Variants in PTPN1 observed in about 807,000 individuals in gnomAD.
PTPN1 encodes tyrosine-protein phosphatase non-receptor type 1.
PTPN1 carries 12 observed loss-of-function variants against 59.9 expected under a neutral mutation model. That is an observed-to-expected ratio of 0.20 (90% CI 0.13 to 0.32). PTPN1 has a LOEUF of 0.32. Ranked by LOEUF, PTPN1 falls within the 10% of genes least tolerant of loss-of-function variation. The pLI, the probability that PTPN1 is intolerant of heterozygous loss-of-function variation, is 1.00. For missense variants in PTPN1, 356 were observed against 549.2 expected (o/e 0.65, Z 3.52); for synonymous variants, 178 against 203.6 (o/e 0.87, Z 1.07).
At chr20:50,513,492 CG>C (rs2082515927) in intron 1 of PTPN1, among the ~76,000 whole-genome samples, 1 of 152,140 alleles carries the variant, frequency 6.6e-6, no homozygotes, top group African/African-American at 2.4e-5. Context: ...CTTGTTTTCT[CG>C]TCTGTAAATT....
chr20:50,562,358 C>G (rs547331213), intron 2 of PTPN1, among the ~76,000 whole-genome samples: 1 of 152,208 alleles, frequency 6.6e-6, no homozygotes, highest in African/African-American at 2.4e-5. Flanking sequence ...CCTGACCTGA[C>G]TTATGTGGCG....
At chr20:50,522,365 C>T (rs2082555136) in intron 1 of PTPN1, among the ~76,000 whole-genome samples, 1 of 152,208 alleles carries the variant, frequency 6.6e-6, no homozygotes, top group African/African-American at 2.4e-5. Context: ...ACCAAATATG[C>T]TTGCACTGAG....
chr20:50,579,866 A>C lies in PTPN1; in HGVS notation c.1028A>C (p.Asp343Ala). The C allele has an allele frequency of 6.2e-7, 1 of 1,614,162 alleles. No individual in the cohort carries two copies. Among genetic ancestry groups the C allele is most frequent in the South Asian group, 1.1e-5 (1 of 91,088 alleles). The change falls in exon 8 of 10, where the codon GAC becomes GCC. Residue 343 changes from aspartate (D) to alanine (A), a missense_variant. Coordinates refer to ENST00000371621, the MANE Select transcript of PTPN1 (RefSeq NM_002827.4). Reference protein sequence around the residue: ...WVKEETQEDKDCPIKEEKGSP... With the variant: ...WVKEETQEDKACPIKEEKGSP... ...AAGGAAGAGACCCAGGAGGATAAAG[A>C]CTGCCCCATCAAGGAAGAAAAAGGA...
chr20:50,524,569 C>CTGTTTTT (rs2082565166), intron 1 of PTPN1, among the ~76,000 whole-genome samples: 1 of 45,782 alleles, frequency 2.2e-5, no homozygotes, highest in Non-Finnish European at 3.6e-5. Flanking sequence ...ATTATGTGGT[C>CTGTTTTT]TTTTTTTTTT....
At chr20:50,554,629 AATAC>A (rs147009730) in intron 1 of PTPN1, among the ~76,000 whole-genome samples, 3,714 of 152,070 alleles carry the variant, frequency 0.024, 83 homozygotes, top group African/African-American at 0.058. Flanking sequence ...CAAAAATAAA[AATAC>A]ATCATATTTA....
chr20:50,527,519 A>G (rs2082582395), intron 1 of PTPN1, among the ~76,000 whole-genome samples: 1 of 151,744 alleles, frequency 6.6e-6, no homozygotes. Flanking sequence ...AATTTTTTGT[A>G]TTTTTGGTAG....
chr20:50,561,718 G>T (rs2082753262), intron 2 of PTPN1, among the ~76,000 whole-genome samples: 1 of 152,158 alleles, frequency 6.6e-6, no homozygotes, highest in South Asian at 2.1e-4. Context: ...TTTTTGTGAT[G>T]AATCATTTTC....
rs147483957 is a variant in PTPN1, at chr20:50,518,237, T to TG, written c.63+7648dup. On this transcript the variant is annotated intron_variant, in intron 1 of 9. Coordinates refer to ENST00000371621, the MANE Select transcript of PTPN1 (RefSeq NM_002827.4). ...CCCCGGTTACAGGATTGTACACTAT[T>TG]GCGAATTTCTTACAGGAAAGTGAAC... 7.3e-3 allele frequency among the ~76,000 whole-genome samples: 1,106 copies of TG among 152,352 alleles called. 12 individuals carry two copies. Among genetic ancestry groups the TG allele is most frequent in the African/African-American group, 0.025 (1,047 of 41,582 alleles).
intron 1 of PTPN1, among the ~76,000 whole-genome samples, chr20:50,526,067 C>CG (rs1171085130): frequency 1.3e-5 from 2 of 151,782 alleles, no homozygotes; most frequent in African/African-American, 4.8e-5. Context: ...CTGAGGGGTG[C>CG]GGGGGAGCAC....
At position 50,585,079 on chromosome 20, in the gene PTPN1, G is replaced by A. The variant is rs1347255182; in HGVS notation, c.*2364G>A. ...TGTTTGAAGAACAGTGTTTTGAGTT[G>A]TAATCTCAAAACCATATCCCTTACC... On this transcript the variant is annotated 3_prime_UTR_variant, in exon 10 of 10. Transcript: ENST00000371621. 6.6e-6 allele frequency: 1 copy of A among 152,186 alleles called. No individual in the cohort carries two copies. Among genetic ancestry groups the A allele is most frequent in the Non-Finnish European group, 1.5e-5 (1 of 68,026 alleles). The allele number at this position is 152,186 out of a possible 1,614,324, so 9.4% of individuals were successfully genotyped here.
intron 1 of PTPN1, among the ~76,000 whole-genome samples, chr20:50,534,948 T>TCAGGCG (rs1568779636): frequency 1.3e-5 from 2 of 151,246 alleles, no homozygotes; most frequent in Admixed American, 6.6e-5. Flanking sequence ...AGGCTGGCCT[T>TCAGGCG]GAACTCCTGC....
chr20:50,577,987 C>A (rs2082845514), intron 5 of PTPN1: 1 of 159,254 alleles, frequency 6.3e-6, no homozygotes, highest in Non-Finnish European at 1.4e-5. Flanking sequence ...TTGAAGCCCC[C>A]GTCTGAAAGT....
At chr20:50,537,204 T>G (rs1357980095) in intron 1 of PTPN1, among the ~76,000 whole-genome samples, 1 of 152,100 alleles carries the variant, frequency 6.6e-6, no homozygotes, top group African/African-American at 2.4e-5. Context: ...GCACCTGTAA[T>G]CCCAGCTAGT....
At chr20:50,513,893 T>TAAA in intron 1 of PTPN1, among the ~76,000 whole-genome samples, 1 of 146,470 alleles carries the variant, frequency 6.8e-6, no homozygotes, top group African/African-American at 2.5e-5. Flanking sequence ...TCACTTCACT[T>TAAA]AAAAAAAAAA....
chr20:50,547,450 G>A (rs937831274), intron 1 of PTPN1, among the ~76,000 whole-genome samples: 1 of 151,614 alleles, frequency 6.6e-6, no homozygotes, highest in East Asian at 1.9e-4. Flanking sequence ...TGCAACCTCT[G>A]CCTCCCGGGT....
At chr20:50,566,763 AGAT>A (rs1417151220) in intron 3 of PTPN1, among the ~76,000 whole-genome samples, 1 of 152,126 alleles carries the variant, frequency 6.6e-6, no homozygotes, top group Non-Finnish European at 1.5e-5. Flanking sequence ...GTGTCCTTGC[AGAT>A]CTTAGGGGAT....
At chr20:50,536,980 T>G (rs2082626549) in intron 1 of PTPN1, among the ~76,000 whole-genome samples, 1 of 152,346 alleles carries the variant, frequency 6.6e-6, no homozygotes, top group East Asian at 1.9e-4. Context: ...CAATCATATA[T>G]TTTAGTTAAA....
intron 1 of PTPN1, among the ~76,000 whole-genome samples, chr20:50,517,775 G>T (rs2082535251): frequency 6.6e-6 from 1 of 152,196 alleles, no homozygotes; most frequent in African/African-American, 2.4e-5. Context: ...TTACTACTCT[G>T]AATCTAGTGC....
At position 50,583,607 on chromosome 20, in the gene PTPN1, A is replaced by G. The variant is rs2082881067; in HGVS notation, c.*892A>G. ...ATGTCCAAGTCCAACCTGCCTGTGC[A>G]TGACCTGATCATTACATGGCTGTGG... On this transcript the variant is annotated 3_prime_UTR_variant, in exon 10 of 10. Transcript: ENST00000371621. The G allele has an allele frequency of 6.6e-6, 1 of 152,302 alleles. No homozygotes were observed. Among genetic ancestry groups the G allele is most frequent in the Admixed American group, 6.5e-5 (1 of 15,288 alleles). The allele number at this position is 152,302 out of a possible 1,614,324, so 9.4% of individuals were successfully genotyped here.
Sources: allele counts gnomAD v4.1 joint callset (sites outside exome capture counted in the v4.1 genomes callset), GRCh38; gene constraint gnomAD v4.1.1; transcripts MANE v1.5; gene names NCBI Gene and HGNC (gene_info 2026-07-23, HGNC 2026-07-21).